Variants in GLRB observed in about 807,000 individuals in gnomAD.
GLRB encodes glycine receptor subunit beta.
In GLRB, 33 loss-of-function variants were observed where a neutral mutation model predicts 54.2. The observed-to-expected ratio is 0.61, with a 90% CI of 0.46 to 0.81. The LOEUF is 0.81. Ranked by LOEUF, GLRB falls within the 40% of genes least tolerant of loss-of-function variation. GLRB has a pLI of 0.00. For missense variants in GLRB, 572 were observed against 584.6 expected, an observed-to-expected ratio of 0.98 and a Z score of 0.22; for synonymous variants, 209 against 208.2, an observed-to-expected ratio of 1.00 and a Z score of -0.03.
At chr4:157,133,415 A>C (rs1015444597) in intron 4 of GLRB, among the ~76,000 whole-genome samples, 1 of 151,930 alleles carries the variant, frequency 6.6e-6, no homozygotes, top group South Asian at 2.1e-4. Flanking sequence ...TATAGGTATC[A>C]ATTCATTAGT....
At chr4:157,112,840 C>T (rs147442890) in intron 2 of GLRB, among the ~76,000 whole-genome samples, 184 of 152,010 alleles carry the variant, frequency 1.2e-3, no homozygotes, top group Non-Finnish European at 2.2e-3. Context: ...TGTAGGCAGC[C>T]AACATTCCCA....
At chr4:157,086,641 T>C (rs1391044781) in intron 2 of GLRB, among the ~76,000 whole-genome samples, 2 of 152,204 alleles carry the variant, frequency 1.3e-5, no homozygotes, top group Non-Finnish European at 2.9e-5. Context: ...CTAGACTTTC[T>C]TTGTATGACT....
At chr4:157,120,802 T>C in intron 3 of GLRB, 140 bp downstream of exon 3, 1 of 509,934 alleles carries the variant, frequency 2.0e-6, no homozygotes, top group Non-Finnish European at 3.7e-6. Flanking sequence ...AACAAAAATG[T>C]CCTTAAGTTC....
At chr4:157,088,980 A>C (rs1225594104) in intron 2 of GLRB, among the ~76,000 whole-genome samples, 3 of 152,120 alleles carry the variant, frequency 2.0e-5, no homozygotes, top group African/African-American at 7.2e-5. Flanking sequence ...TCTTTTCTTC[A>C]CTTACCTTGA....
intron 1 of GLRB, among the ~76,000 whole-genome samples, chr4:157,077,155 G>A (rs1734069362): frequency 6.6e-6 from 1 of 152,136 alleles, no homozygotes; most frequent in Non-Finnish European, 1.5e-5. Context: ...CTCTAGTGTA[G>A]GTAGAGGCTT....
At chr4:157,157,609 C>T (rs927972420) in intron 9 of GLRB, among the ~76,000 whole-genome samples, 2 of 152,150 alleles carry the variant, frequency 1.3e-5, no homozygotes, top group Non-Finnish European at 1.5e-5. Flanking sequence ...TCTGTCTTTG[C>T]GATAGTTTGC....
chr4:157,105,737 G>A (rs1010792443), intron 2 of GLRB, among the ~76,000 whole-genome samples: 1 of 151,792 alleles, frequency 6.6e-6, no homozygotes, highest in Non-Finnish European at 1.5e-5. Flanking sequence ...CATCTTCCTG[G>A]TGGATTTACC....
intron 2 of GLRB, among the ~76,000 whole-genome samples, chr4:157,081,197 G>A (rs1734209073): frequency 6.6e-6 from 1 of 152,148 alleles, no homozygotes; most frequent in African/African-American, 2.4e-5. Context: ...TTTTAGGTAA[G>A]TCCTTGGACA....
intron 4 of GLRB, among the ~76,000 whole-genome samples, chr4:157,134,049 G>A (rs1276387043): frequency 6.6e-6 from 1 of 151,914 alleles, no homozygotes; most frequent in Non-Finnish European, 1.5e-5. Flanking sequence ...TATAATACAG[G>A]CTTAATTTAT....
intron 7 of GLRB, 42 bp from the exon 8 acceptor site, chr4:157,143,765 T>C (rs760833771): frequency 1.9e-6 from 3 of 1,588,278 alleles, no homozygotes; most frequent in Non-Finnish European, 2.6e-6. Context: ...CCATTCTGTG[T>C]GGGTGAAAAC....
Position 157,170,751 on chromosome 4 carries a change from A to T in GLRB, c.*23A>T, listed in dbSNP as rs762423422. On this transcript the variant is annotated 3_prime_UTR_variant, in exon 10 of 10. Coordinates refer to ENST00000264428, the MANE Select transcript of GLRB (RefSeq NM_000824.5). ...TGATAAATCTTTTCCATTTGTACAA[A>T]ATAAAATTCCATTTCATTGTGACCT... 2 of 1,338,240 alleles carry T rather than the reference A, an allele frequency of 1.5e-6. No individual in the cohort carries two copies. Among genetic ancestry groups the T allele is most frequent in the Non-Finnish European group, 2.0e-6 (2 of 984,814 alleles). The allele number at this position is 1,338,240 out of a possible 1,614,324, so 82.9% of individuals were successfully genotyped here. A position where few individuals can be genotyped will look rare whatever the true frequency, so the allele number is the denominator to read the frequency against.
chr4:157,106,275 T>C (rs774403012), intron 2 of GLRB, among the ~76,000 whole-genome samples: 3 of 152,180 alleles, frequency 2.0e-5, no homozygotes, highest in Non-Finnish European at 2.9e-5. Context: ...GATAGTCTTA[T>C]GGAGGTTCAC....
At chr4:157,116,988 T>C (rs954799254) in intron 2 of GLRB, among the ~76,000 whole-genome samples, 1 of 151,710 alleles carries the variant, frequency 6.6e-6, no homozygotes, top group Non-Finnish European at 1.5e-5. Flanking sequence ...TTGTTTGATT[T>C]TCAAAAGATT....
intron 8 of GLRB, 33 bp downstream of exon 8, chr4:157,143,992 G>T (rs552722654): frequency 1.3e-6 from 2 of 1,597,500 alleles, no homozygotes; most frequent in African/African-American, 2.7e-5. Flanking sequence ...GTCACATCAG[G>T]AACAGATTAT....
At chr4:157,160,724 C>T (rs1737449186) in intron 9 of GLRB, among the ~76,000 whole-genome samples, 1 of 151,978 alleles carries the variant, frequency 6.6e-6, no homozygotes, top group African/African-American at 2.4e-5. Context: ...TGTTCTTTTA[C>T]ATTTGCTGAG....
In GLRB at chr4:157,136,862, C is replaced by T. The variant is rs975522417; in HGVS notation, c.586C>T (p.Arg196Cys). The change falls in exon 6 of 10, where the codon CGT becomes TGT. Residue 196 changes from arginine to cysteine, a missense_variant. Arg to Cys is a radical substitution (Grantham distance 180). Transcript: ENST00000264428. ...DLTLFPMDTQ[R>C]CKMQLESFGY... Reference sequence around the variant, plus strand: ...GACATTGTTTCCCATGGATACACAACGTTGCAAGATGCAACTGGAGAGCTG... The same window carrying T: ...GACATTGTTTCCCATGGATACACAATGTTGCAAGATGCAACTGGAGAGCTG... 1.7e-5 allele frequency: 27 copies of T among 1,605,160 alleles called. No individual in the cohort carries two copies. The highest frequency in any genetic ancestry group is 2.2e-5 in the Non-Finnish European group (26 of 1,171,902).
chr4:157,095,933 G>A (rs1185217654), intron 2 of GLRB, among the ~76,000 whole-genome samples: 4 of 152,144 alleles, frequency 2.6e-5, no homozygotes, highest in Admixed American at 6.5e-5. Flanking sequence ...ACAAGTGGAA[G>A]CACTGGCTTG....
intron 2 of GLRB, among the ~76,000 whole-genome samples, chr4:157,084,488 C>T (rs150365774): frequency 0.021 from 3,194 of 152,256 alleles, 44 homozygotes; most frequent in Middle Eastern, 0.037. Context: ...ATCTTTCCTT[C>T]AAGCTGTTGG....
At chr4:157,139,646 A>G (rs1736538656) in intron 7 of GLRB, among the ~76,000 whole-genome samples, 1 of 151,996 alleles carries the variant, frequency 6.6e-6, no homozygotes. Flanking sequence ...GATACTGAAT[A>G]TAGTGTTATT....
Sources: allele counts gnomAD v4.1 joint callset (sites outside exome capture counted in the v4.1 genomes callset), GRCh38; gene constraint gnomAD v4.1.1; transcripts MANE v1.5; gene names NCBI Gene and HGNC (gene_info 2026-07-23, HGNC 2026-07-21).